Variants in CRB1 observed in about 807,000 individuals in gnomAD.
CRB1 encodes protein crumbs homolog 1.
In CRB1, 83 loss-of-function variants were observed where a neutral mutation model predicts 120.0. That is an observed-to-expected ratio of 0.69 (90% CI 0.58 to 0.83). CRB1 has a LOEUF of 0.83. Ranked by LOEUF, CRB1 falls within the 40% of genes least tolerant of loss-of-function variation. The pLI is 0.00. For synonymous variants in CRB1, 625 were observed against 612.5 expected (o/e 1.02, Z -0.30); for missense variants, 1,699 against 1,687.6 (o/e 1.01, Z -0.12).
intron 7 of CRB1, 132 bp from the exon 8 acceptor site, chr1:197,429,317 G>A: frequency 1.5e-6 from 2 of 1,339,296 alleles, no homozygotes; most frequent in Non-Finnish European, 2.1e-6. Context: ...GTTAACAATG[G>A]ATCTTAAAAG....
chr1:197,275,855 C>G (rs1402693624), intron 1 of CRB1, among the ~76,000 whole-genome samples: 1 of 151,872 alleles, frequency 6.6e-6, no homozygotes, highest in Non-Finnish European at 1.5e-5. Flanking sequence ...TTTTACTGTG[C>G]ATGTGTTATT....
At chr1:197,351,441 T>C (rs1346824843) in intron 4 of CRB1, among the ~76,000 whole-genome samples, 2 of 151,578 alleles carry the variant, frequency 1.3e-5, no homozygotes, top group African/African-American at 2.4e-5. Context: ...TGTGGAACTT[T>C]GAATGATTGC....
intron 2 of CRB1, among the ~76,000 whole-genome samples, chr1:197,335,177 G>C (rs1659082092): frequency 1.3e-5 from 2 of 152,168 alleles, no homozygotes; most frequent in East Asian, 1.9e-4. Context: ...AATAAAGTTA[G>C]TGTGACTGGA....
intron 2 of CRB1, among the ~76,000 whole-genome samples, chr1:197,334,608 C>T (rs1200921148): frequency 6.6e-6 from 1 of 152,148 alleles, no homozygotes; most frequent in Admixed American, 6.5e-5. Flanking sequence ...ACACCAAGCC[C>T]ACTGGAACCT....
At chr1:197,354,019 G>GT (rs1377261304) in intron 4 of CRB1, among the ~76,000 whole-genome samples, 4 of 140,148 alleles carry the variant, frequency 2.9e-5, no homozygotes, top group Non-Finnish European at 1.5e-5. Flanking sequence ...ATATGAAATG[G>GT]TAAAAAAAAA....
chr1:197,329,009 T>G lies in CRB1; in HGVS notation c.652+6T>G. 1 of 1,605,858 alleles carries G rather than the reference T, an allele frequency of 6.2e-7. No homozygotes were observed. Among genetic ancestry groups the G allele is most frequent in the Non-Finnish European group, 8.5e-7 (1 of 1,175,770 alleles). On this transcript the variant is annotated splice_donor_region_variant and intron_variant, in intron 2 of 11. Transcript: ENST00000367400. ...CTGTCCCCACAATTATTCTGGTAAGTGTGATCATATCTGAATCACAGATGG... is the reference window on the plus strand; with the variant it reads ...CTGTCCCCACAATTATTCTGGTAAGGGTGATCATATCTGAATCACAGATGG...
At chr1:197,355,677 C>T (rs1308899497) in intron 4 of CRB1, among the ~76,000 whole-genome samples, 6 of 152,202 alleles carry the variant, frequency 3.9e-5, no homozygotes, top group African/African-American at 4.8e-5. Context: ...CGGCGCCCAC[C>T]GGCCGCTCTG....
chr1:197,411,605 A>G (rs969321412), intron 5 of CRB1, among the ~76,000 whole-genome samples: 39 of 152,002 alleles, frequency 2.6e-4, no homozygotes, highest in Non-Finnish European at 3.5e-4. Context: ...GTCCCAACCA[A>G]TCCTATTCTA....
At chr1:197,397,549 C>CCT (rs1662833647) in intron 5 of CRB1, among the ~76,000 whole-genome samples, 1 of 152,082 alleles carries the variant, frequency 6.6e-6, no homozygotes, top group Non-Finnish European at 1.5e-5. Context: ...TTTCGAAAAC[C>CCT]TGATAAGAAC....
chr1:197,254,655 A>G, the CRB1 span, among the ~76,000 whole-genome samples: 2 of 152,082 alleles, frequency 1.3e-5, no homozygotes, highest in African/African-American at 4.8e-5. Flanking sequence ...AGAACTCCAA[A>G]TCAGTTTTTT....
intron 11 of CRB1, chr1:197,443,367 G>C (rs1665552564): frequency 6.6e-6 from 1 of 151,674 alleles, no homozygotes; most frequent in Non-Finnish European, 1.5e-5. Flanking sequence ...CTCTAACAAA[G>C]TTACAAATAA....
chr1:197,424,732 C>A (rs1311244445), intron 6 of CRB1, among the ~76,000 whole-genome samples: 1 of 152,170 alleles, frequency 6.6e-6, no homozygotes, highest in Non-Finnish European at 1.5e-5. Context: ...CCACTCTAAT[C>A]TTATAAACGC....
At chr1:197,388,189 A>AT (rs1473239320) in intron 5 of CRB1, among the ~76,000 whole-genome samples, 8 of 152,054 alleles carry the variant, frequency 5.3e-5, no homozygotes, top group Admixed American at 2.6e-4. Flanking sequence ...AATGAAAATT[A>AT]TTTTTTGATG....
chr1:197,426,828 G>C (rs1444489747), intron 6 of CRB1, among the ~76,000 whole-genome samples: 1 of 152,102 alleles, frequency 6.6e-6, no homozygotes, highest in Non-Finnish European at 1.5e-5. Context: ...CTTGATTTCT[G>C]TTGTCCCAAT....
At chr1:197,469,209 G>A (rs1234444090) in intron 11 of CRB1, among the ~76,000 whole-genome samples, 3 of 152,168 alleles carry the variant, frequency 2.0e-5, no homozygotes, top group African/African-American at 7.2e-5. Flanking sequence ...GACAGAGTGA[G>A]ACCCTGTCTC....
In CRB1 at chr1:197,429,473, GT is replaced by G. The variant is rs1664767468; in HGVS notation, c.2704del (p.Cys902AlafsTer86). ...CKSNPCHNGGVCHSRWDDFSC... is the reference protein window; with the variant it reads ...CKSNPCHNGGXCHSRWDDFSC... ...GTCCAACCCCTGTCACAATGGAGGT[GT>G]TTGCCATTCCCGGTGGGATGACTTC... On this transcript the variant is annotated frameshift_variant, in exon 8 of 12. Transcript: ENST00000367400. LOFTEE classifies it high-confidence loss of function. 6.2e-7 allele frequency: 1 copy of G among 1,613,888 alleles called. No homozygotes were observed. The highest frequency in any genetic ancestry group is 1.3e-5 in the African/African-American group (1 of 74,892).
intron 1 of CRB1, among the ~76,000 whole-genome samples, chr1:197,298,059 A>G (rs1411863561): frequency 6.6e-6 from 1 of 152,090 alleles, no homozygotes; most frequent in Non-Finnish European, 1.5e-5. Flanking sequence ...GAAGGCAGAT[A>G]CTACAGGAGC....
intron 11 of CRB1, 140 bp downstream of exon 11, chr1:197,442,432 A>G (rs1665500254): frequency 6.3e-7 from 1 of 1,582,950 alleles, no homozygotes; most frequent in South Asian, 1.1e-5. Flanking sequence ...ACATTTGAAC[A>G]TTCCCAAATG....
chr1:197,478,103 AT>A lies in CRB1; in HGVS notation c.*227del. The A allele has an allele frequency of 1.8e-6, 1 of 566,396 alleles. No individual in the cohort carries two copies. Among genetic ancestry groups the A allele is most frequent in the East Asian group, 3.1e-5 (1 of 32,540 alleles). The allele number at this position is 566,396 out of a possible 1,614,324, so 35.1% of individuals were successfully genotyped here. Reference sequence around the variant, plus strand: ...ATTGCAAAAAAAGTCTGTGCCAGTAATTTCAGCCTTATAATTAGCAAAAACA... The same window carrying A: ...ATTGCAAAAAAAGTCTGTGCCAGTAATTCAGCCTTATAATTAGCAAAAACA... On this transcript the variant is annotated 3_prime_UTR_variant, in exon 12 of 12. Transcript: ENST00000367400.
Sources: gnomAD v4.1 joint callset for allele counts (sites outside exome capture counted in the v4.1 genomes callset) on GRCh38, gnomAD v4.1.1 for gene constraint, MANE v1.5 for transcripts, NCBI Gene and HGNC (gene_info 2026-07-23, HGNC 2026-07-21) for gene names.